Variants in KCNMB2 observed in about 807,000 individuals in gnomAD.
The protein encoded by KCNMB2 is potassium calcium-activated channel subfamily M regulatory beta subunit 2.
Under a neutral mutation model 24.5 loss-of-function variants are expected in KCNMB2, and 9 were observed. The observed-to-expected ratio is 0.37, with a 90% CI of 0.22 to 0.64. KCNMB2 has a LOEUF of 0.64. Among genes scored for constraint, KCNMB2 ranks in the 30% least tolerant of loss-of-function variants. The probability of loss-of-function intolerance (pLI) is 0.63; values close to 1 mark genes in which losing one functional copy is unlikely to be tolerated. For synonymous variants in KCNMB2, 109 were observed against 104.4 expected (o/e 1.04, Z -0.27); for missense variants, 226 against 284.3 (o/e 0.79, Z 1.47).
At chr3:178,632,432 C>T (rs1719353792) in intron 1 of KCNMB2, among the ~76,000 whole-genome samples, 1 of 152,162 alleles carries the variant, frequency 6.6e-6, no homozygotes, top group Non-Finnish European at 1.5e-5. Flanking sequence ...AAGAAACTTA[C>T]AATCGTGGCA....
rs533273264 is a variant in KCNMB2 at position 178,726,501 on chromosome 3, T to A, written c.-67-80842T>A. ...TTCTTTCAGTTTTCTTTGACTTGAC[T>A]TGAAAGTGTTTTTATTTTACCTTCG... On this transcript the variant is annotated intron_variant, in intron 1 of 4. Transcript: ENST00000452583. 2.6e-5 allele frequency among the ~76,000 whole-genome samples: 4 copies of A among 152,164 alleles called. No individual in the cohort carries two copies. The East Asian group carries it at 7.7e-4, about 29-fold the overall frequency.
chr3:178,735,179 T>C (rs770298259), intron 1 of KCNMB2, among the ~76,000 whole-genome samples: 5 of 152,106 alleles, frequency 3.3e-5, no homozygotes, highest in Non-Finnish European at 7.4e-5. Context: ...AGCCAGAGAG[T>C]GACAGGGATG....
intron 1 of KCNMB2, among the ~76,000 whole-genome samples, chr3:178,547,544 G>A (rs1715813718): frequency 6.6e-6 from 1 of 152,106 alleles, no homozygotes; most frequent in Admixed American, 6.5e-5. Context: ...TCATATATGT[G>A]TGTGTATGTG....
At chr3:178,614,250 TATA>T (rs1718603524) in intron 1 of KCNMB2, among the ~76,000 whole-genome samples, 2 of 15,012 alleles carry the variant, frequency 1.3e-4, no homozygotes, top group Admixed American at 7.5e-4. Context: ...GCTAATTTTA[TATA>T]TATATATATA....
intron 1 of KCNMB2, among the ~76,000 whole-genome samples, chr3:178,590,607 T>C (rs1405339566): frequency 6.6e-6 from 1 of 152,214 alleles, no homozygotes; most frequent in African/African-American, 2.4e-5. Context: ...GCTGTATGCA[T>C]TATCTTGTTT....
chr3:178,571,020 A>G (rs1024037593), intron 1 of KCNMB2, among the ~76,000 whole-genome samples: 9 of 152,346 alleles, frequency 5.9e-5, no homozygotes, highest in African/African-American at 1.9e-4. Context: ...CCACATTCTG[A>G]TGTAAACATT....
At chr3:178,785,866 A>G (rs1713081301) in intron 1 of KCNMB2, among the ~76,000 whole-genome samples, 1 of 152,194 alleles carries the variant, frequency 6.6e-6, no homozygotes, top group Non-Finnish European at 1.5e-5. Context: ...AGTAGCTACT[A>G]ATAATGTCAA....
chr3:178,797,320 A>C (rs1411884672), intron 1 of KCNMB2, among the ~76,000 whole-genome samples: 1 of 152,138 alleles, frequency 6.6e-6, no homozygotes. Context: ...AGAACAACTA[A>C]TACCAATGCT....
rs114949499 is a variant in KCNMB2, at chr3:178,567,229, G to A, written c.-68+30518G>A. Among the ~76,000 whole-genome samples the A allele has an allele frequency of 7.4e-3, 1,129 of 152,168 alleles. 14 individuals are homozygous for A. The highest frequency in any genetic ancestry group is 0.026 in the African/African-American group (1,086 of 41,484). The stretch of plus-strand genomic sequence containing the variant: ...GATGAGAGTACACATGTGTGAGAGC[G>A]TGTGAGAGTGTGTGTGTGTGTCTAA... On this transcript the variant is annotated intron_variant, in intron 1 of 4. Coordinates refer to ENST00000452583, the MANE Select transcript of KCNMB2 (RefSeq NM_181361.3).
intron 1 of KCNMB2, among the ~76,000 whole-genome samples, chr3:178,554,113 T>C (rs1291897602): frequency 3.3e-5 from 5 of 152,140 alleles, no homozygotes; most frequent in African/African-American, 7.2e-5. Context: ...TTAATATCTG[T>C]TTCTCAGATG....
intron 1 of KCNMB2, among the ~76,000 whole-genome samples, chr3:178,744,360 A>G (rs990255784): frequency 6.6e-6 from 1 of 152,200 alleles, no homozygotes; most frequent in African/African-American, 2.4e-5. Flanking sequence ...TCATTTTTCT[A>G]TAACTATGTA....
At chr3:178,839,243 G>A (rs1324130020) in intron 4 of KCNMB2, among the ~76,000 whole-genome samples, 7 of 149,664 alleles carry the variant, frequency 4.7e-5, no homozygotes, top group Non-Finnish European at 1.0e-4. Flanking sequence ...TATAAACCAA[G>A]GAAAATAAGT....
intron 1 of KCNMB2, among the ~76,000 whole-genome samples, chr3:178,654,858 G>T (rs552798996): frequency 4.6e-4 from 70 of 152,254 alleles, no homozygotes; most frequent in Non-Finnish European, 9.4e-4. Flanking sequence ...GCCTGAATAG[G>T]TTCAAGTTTT....
chr3:178,645,808 C>T lies in KCNMB2; in HGVS notation c.-68+109097C>T, dbSNP rs1255607433. 4.6e-5 allele frequency among the ~76,000 whole-genome samples: 7 copies of T among 152,240 alleles called. No individual in the cohort carries two copies. The East Asian group carries it at 1.2e-3, about 25-fold the overall frequency. On this transcript the variant is annotated intron_variant, in intron 1 of 4. Coordinates refer to ENST00000452583, the MANE Select transcript of KCNMB2 (RefSeq NM_181361.3). The stretch of plus-strand genomic sequence containing the variant: ...GGGGAGGGAGAGCATATGGGTGAGG[C>T]ACAGCATGAAAGGGTCTGCGAAACA...
chr3:178,550,039 T>A (rs1471117053), intron 1 of KCNMB2, among the ~76,000 whole-genome samples: 3 of 152,180 alleles, frequency 2.0e-5, no homozygotes, highest in African/African-American at 7.2e-5. Flanking sequence ...GTCAGTGTTA[T>A]GTTGGCTATA....
intron 1 of KCNMB2, among the ~76,000 whole-genome samples, chr3:178,572,930 T>G (rs1716856172): frequency 6.6e-6 from 1 of 152,272 alleles, no homozygotes; most frequent in Non-Finnish European, 1.5e-5. Flanking sequence ...GTTTTTTCAT[T>G]TATTTACGAA....
chr3:178,536,824 G>A (rs1026083489), intron 1 of KCNMB2, 113 bp downstream of exon 1: 2 of 152,684 alleles, frequency 1.3e-5, no homozygotes, highest in African/African-American at 4.8e-5. Flanking sequence ...GCAGCAAGAG[G>A]AGGGAGAGGG....
In KCNMB2 at chr3:178,536,551, T is replaced by G. The variant is rs1374915762; in HGVS notation, c.-228T>G. ...TTTCAGACATTTTGAGCAGGGAGTA[T>G]TAAAGCTATGAGTTAGAAAGGGTTG... On this transcript the variant is annotated 5_prime_UTR_variant, in exon 1 of 5. Coordinates refer to ENST00000452583, the MANE Select transcript of KCNMB2 (RefSeq NM_181361.3). 3 of 152,222 alleles carry G rather than the reference T, an allele frequency of 2.0e-5. No individual in the cohort carries two copies. The East Asian group carries it at 5.8e-4, about 29-fold the overall frequency. 9.4% of individuals were successfully genotyped at this position (152,222 alleles called of 1,614,324 possible).
intron 1 of KCNMB2, among the ~76,000 whole-genome samples, chr3:178,651,259 A>G (rs538268533): frequency 6.6e-6 from 1 of 152,306 alleles, no homozygotes; most frequent in East Asian, 1.9e-4. Context: ...ATGTGCAAAA[A>G]TCACAAGCAT....
Sources: allele counts gnomAD v4.1 joint callset (sites outside exome capture counted in the v4.1 genomes callset), GRCh38; gene constraint gnomAD v4.1.1; transcripts MANE v1.5; gene names NCBI Gene and HGNC (gene_info 2026-07-23, HGNC 2026-07-21).